Variants in DSCAM observed in about 807,000 individuals in gnomAD.
DSCAM encodes cell adhesion molecule DSCAM.
In DSCAM, 47 loss-of-function variants were observed where a neutral mutation model predicts 217.7. The observed-to-expected ratio is 0.22, with a 90% CI of 0.17 to 0.28. The LOEUF is 0.28. Ranked by LOEUF, DSCAM falls within the 10% of genes least tolerant of loss-of-function variation. The pLI is 1.00. For synonymous variants in DSCAM, 1,056 were observed against 1,015.3 expected, an observed-to-expected ratio of 1.04 and a Z score of -0.76; for missense variants, 2,080 against 2,618.3, an observed-to-expected ratio of 0.79 and a Z score of 4.49.
At chr21:40,751,403 C>T (rs1487059975) in intron 1 of DSCAM, among the ~76,000 whole-genome samples, 1 of 152,232 alleles carries the variant, frequency 6.6e-6, no homozygotes, top group Admixed American at 6.5e-5. Context: ...TTTGTTCACA[C>T]TGTATCCCCA....
At chr21:40,195,945 C>G (rs920938125) in intron 11 of DSCAM, among the ~76,000 whole-genome samples, 1 of 152,214 alleles carries the variant, frequency 6.6e-6, no homozygotes, top group African/African-American at 2.4e-5. Context: ...AGTGTTGAAT[C>G]AAAATGTGTT....
At chr21:40,277,271 C>A (rs2837549) in intron 10 of DSCAM, among the ~76,000 whole-genome samples, 45,499 of 152,020 alleles carry the variant, frequency 0.3, 7,506 homozygotes, top group South Asian at 0.37. Context: ...GGCCCAAGAA[C>A]CTACACGGGA....
chr21:40,552,462 T>G (rs13050543), intron 3 of DSCAM, among the ~76,000 whole-genome samples: 1 of 152,324 alleles, frequency 6.6e-6, no homozygotes, highest in African/African-American at 2.4e-5. Flanking sequence ...AGTCTAGAAA[T>G]AGGGGTTTAC....
chr21:40,117,802 A>G (rs915514731), intron 20 of DSCAM, among the ~76,000 whole-genome samples: 1 of 152,254 alleles, frequency 6.6e-6, no homozygotes, highest in African/African-American at 2.4e-5. Flanking sequence ...AACCATAGGT[A>G]TAAAGCTTTT....
chr21:40,599,295 G>C (rs2077045041), intron 3 of DSCAM, among the ~76,000 whole-genome samples: 1 of 152,204 alleles, frequency 6.6e-6, no homozygotes, highest in South Asian at 2.1e-4. Context: ...ATGGTGGTTT[G>C]CTGTACCTAT....
intron 8 of DSCAM, among the ~76,000 whole-genome samples, chr21:40,321,416 T>C (rs2074257636): frequency 6.6e-6 from 1 of 152,190 alleles, no homozygotes; most frequent in Non-Finnish European, 1.5e-5. Flanking sequence ...GATAGCAAAA[T>C]ATTTTGGTTG....
At chr21:40,836,676 A>G (rs1271040259) in intron 1 of DSCAM, among the ~76,000 whole-genome samples, 1 of 152,238 alleles carries the variant, frequency 6.6e-6, no homozygotes, top group African/African-American at 2.4e-5. Context: ...TGTGTTTTGC[A>G]AAGGTGAATT....
chr21:40,757,177 C>A lies in DSCAM; in HGVS notation c.44-48406G>T, dbSNP rs1020623535. Among the ~76,000 whole-genome samples the A allele has an allele frequency of 9.7e-4, 147 of 152,210 alleles. 1 individual carries two copies. The highest frequency in any genetic ancestry group is 3.4e-3 in the African/African-American group (141 of 41,532). ...TAGCTGGGACTACAGGTGCCCACCA[C>A]CAAGCCCGGCTAATTTTTTTTGTAT... On this transcript the variant is annotated intron_variant, in intron 1 of 32. Coordinates refer to ENST00000400454, the MANE Select transcript of DSCAM (RefSeq NM_001389.5).
intron 1 of DSCAM, among the ~76,000 whole-genome samples, chr21:40,783,439 G>A (rs1040439486): frequency 3.9e-5 from 6 of 152,192 alleles, no homozygotes; most frequent in African/African-American, 7.2e-5. Context: ...GTGTGTGTAC[G>A]TGTGTGTGCG....
intron 3 of DSCAM, among the ~76,000 whole-genome samples, chr21:40,628,475 G>A (rs940173175): frequency 3.3e-5 from 5 of 152,160 alleles, no homozygotes; most frequent in African/African-American, 9.7e-5. Context: ...GTTTGTTTTT[G>A]TAAATAAATC....
chr21:40,418,371 T>C (rs1179626333), intron 3 of DSCAM, among the ~76,000 whole-genome samples: 1 of 152,202 alleles, frequency 6.6e-6, no homozygotes, highest in Non-Finnish European at 1.5e-5. Context: ...TAAGTTTTAA[T>C]TGAAATTCAA....
intron 27 of DSCAM, among the ~76,000 whole-genome samples, chr21:40,066,933 A>T (rs2089214583): frequency 6.6e-6 from 1 of 152,180 alleles, no homozygotes; most frequent in Non-Finnish European, 1.5e-5. Context: ...GAATTAATCT[A>T]TTGTTGTTGA....
At chr21:40,614,571 T>C (rs946057358) in intron 3 of DSCAM, among the ~76,000 whole-genome samples, 1 of 152,218 alleles carries the variant, frequency 6.6e-6, no homozygotes, top group South Asian at 2.1e-4. Flanking sequence ...GCTCACTCTT[T>C]GGTTCAGAAA....
At chr21:40,477,673 G>A (rs1038472384) in intron 3 of DSCAM, among the ~76,000 whole-genome samples, 1 of 151,954 alleles carries the variant, frequency 6.6e-6, no homozygotes, top group Non-Finnish European at 1.5e-5. Context: ...AACACTGAGA[G>A]GTCTGCTTTT....
chr21:40,768,156 T>C (rs749361181), intron 1 of DSCAM, among the ~76,000 whole-genome samples: 9 of 152,146 alleles, frequency 5.9e-5, no homozygotes, highest in Non-Finnish European at 1.2e-4. Flanking sequence ...AAAGAAAACA[T>C]GGTCACCCCT....
At chr21:40,521,605 C>A (rs1393228913) in intron 3 of DSCAM, among the ~76,000 whole-genome samples, 1 of 151,584 alleles carries the variant, frequency 6.6e-6, no homozygotes, top group Admixed American at 6.6e-5. Flanking sequence ...TGTTTGAGTT[C>A]CTTATGTATT....
intron 11 of DSCAM, among the ~76,000 whole-genome samples, chr21:40,230,528 G>A (rs1418896757): frequency 6.6e-6 from 1 of 152,062 alleles, no homozygotes; most frequent in Non-Finnish European, 1.5e-5. Flanking sequence ...GTTTTCTCAG[G>A]TGTAGACTTA....
At chr21:40,406,798 T>C (rs901816857) in intron 3 of DSCAM, among the ~76,000 whole-genome samples, 24 of 152,172 alleles carry the variant, frequency 1.6e-4, no homozygotes, top group Admixed American at 1.4e-3. Context: ...TGTTAAATTT[T>C]AGTAGAGACA....
intron 1 of DSCAM, among the ~76,000 whole-genome samples, chr21:40,814,919 C>A (rs192083750): frequency 6.6e-6 from 1 of 152,146 alleles, no homozygotes; most frequent in Admixed American, 6.5e-5. Context: ...CAGCAATTAG[C>A]GAGGTGATTG....
Sources: gnomAD v4.1 joint callset for allele counts (sites outside exome capture counted in the v4.1 genomes callset) on GRCh38, gnomAD v4.1.1 for gene constraint, MANE v1.5 for transcripts, NCBI Gene and HGNC (gene_info 2026-07-23, HGNC 2026-07-21) for gene names.